The following KCTD16 variants were observed in gnomAD, a reference collection of about 807,000 sequenced individuals.
KCTD16 encodes the protein potassium channel tetramerization domain containing 16, also known as BTB/POZ domain-containing protein KCTD16.
KCTD16 carries 13 observed loss-of-function variants against 33.2 expected under a neutral mutation model. The observed-to-expected ratio is 0.39, with a 90% CI of 0.25 to 0.62. KCTD16 has a LOEUF of 0.62. Ranked by LOEUF, KCTD16 falls within the 20% of genes least tolerant of loss-of-function variation. The pLI is 0.50. For synonymous variants in KCTD16, 197 were observed against 195.3 expected, an observed-to-expected ratio of 1.01 and a Z score of -0.07; for missense variants, 441 against 525.1, an observed-to-expected ratio of 0.84 and a Z score of 1.57.
intron 3 of KCTD16, among the ~76,000 whole-genome samples, chr5:144,455,648 G>T (rs943860343): frequency 3.9e-5 from 6 of 152,172 alleles, no homozygotes; most frequent in Admixed American, 3.9e-4. Context: ...GTGATGAGTG[G>T]CCAGGAAAGA....
At chr5:144,314,927 C>T (rs1470128927) in intron 3 of KCTD16, among the ~76,000 whole-genome samples, 1 of 152,118 alleles carries the variant, frequency 6.6e-6, no homozygotes, top group Non-Finnish European at 1.5e-5. Flanking sequence ...GACTTCTGTC[C>T]TGCTGAAGCT....
chr5:144,301,204 G>A (rs1386165452), intron 3 of KCTD16, among the ~76,000 whole-genome samples: 2 of 137,474 alleles, frequency 1.5e-5, no homozygotes, highest in East Asian at 4.2e-4. Flanking sequence ...TCGCACCATT[G>A]CACTCAAACC....
In KCTD16 at chr5:144,207,080, G is replaced by A. The variant is rs1218026864; in HGVS notation, c.366G>A (p.Leu122=). Residue 122 remains leucine (L), a synonymous_variant, in exon 3 of 4, where the codon CTG becomes CTA. Transcript: ENST00000512467. The part of the protein sequence containing the change: ...YFQLPDLVKL[L]TPDEIKQSPD... ...AGCTCCCAGACTTGGTCAAACTCCT[G>A]ACCCCCGATGAAATCAAGCAAAGCC... 14 of 1,611,748 alleles carry A rather than the reference G, an allele frequency of 8.7e-6. No individual in the cohort carries two copies. The highest frequency in any genetic ancestry group is 1.1e-5 in the Non-Finnish European group (13 of 1,179,146).
chr5:144,416,116 T>G (rs1040966165), intron 3 of KCTD16, among the ~76,000 whole-genome samples: 2 of 152,214 alleles, frequency 1.3e-5, no homozygotes, highest in Non-Finnish European at 2.9e-5. Context: ...AGGAAGGTAC[T>G]GTTTTTTAAT....
intron 3 of KCTD16, among the ~76,000 whole-genome samples, chr5:144,427,985 A>C (rs1753372433): frequency 6.6e-6 from 1 of 152,152 alleles, no homozygotes; most frequent in African/African-American, 2.4e-5. Flanking sequence ...ATAGCTTAGC[A>C]CAGTATCTGT....
chr5:144,290,016 C>T (rs960381261), intron 3 of KCTD16, among the ~76,000 whole-genome samples: 3 of 152,118 alleles, frequency 2.0e-5, no homozygotes, highest in Admixed American at 1.3e-4. Flanking sequence ...TGTGGTGACT[C>T]ATGCCTGTAA....
At chr5:144,442,955 A>G (rs1753746031) in intron 3 of KCTD16, among the ~76,000 whole-genome samples, 1 of 152,028 alleles carries the variant, frequency 6.6e-6, no homozygotes, top group Non-Finnish European at 1.5e-5. Flanking sequence ...GGAAAGCTGG[A>G]TATGAAGCAA....
intron 3 of KCTD16, among the ~76,000 whole-genome samples, chr5:144,209,178 T>G (rs964379952): frequency 6.6e-6 from 1 of 152,210 alleles, no homozygotes; most frequent in African/African-American, 2.4e-5. Flanking sequence ...ACCAAATAAA[T>G]GGAAACATAC....
At chr5:144,235,173 T>C (rs989965691) in intron 3 of KCTD16, among the ~76,000 whole-genome samples, 5 of 152,128 alleles carry the variant, frequency 3.3e-5, no homozygotes, top group African/African-American at 1.2e-4. Context: ...GATAATCTTG[T>C]TTTTATGCAC....
At position 144,215,198 on chromosome 5, in the gene KCTD16, G is replaced by C. The variant is rs148791737; in HGVS notation, c.832+7652G>C. Reference sequence around the variant, plus strand: ...GCAAAGATTCTAGCTCTAGGGAACTGAGAAAAACACTTACCAGCAGCAAAG... The same window carrying C: ...GCAAAGATTCTAGCTCTAGGGAACTCAGAAAAACACTTACCAGCAGCAAAG... On this transcript the variant is annotated intron_variant, in intron 3 of 3. Coordinates refer to ENST00000512467, the MANE Select transcript of KCTD16 (RefSeq NM_020768.4). Among the ~76,000 whole-genome samples, 29 of 152,280 alleles carry C rather than the reference G, an allele frequency of 1.9e-4. No homozygotes were observed. The East Asian group carries it at 4.6e-3, about 24-fold the overall frequency.
chr5:144,469,485 T>C (rs1754422136), intron 3 of KCTD16, among the ~76,000 whole-genome samples: 1 of 152,216 alleles, frequency 6.6e-6, no homozygotes, highest in Non-Finnish European at 1.5e-5. Context: ...CCTGATTTGT[T>C]TCCCTTATAT....
At chr5:144,411,430 G>A (rs1228138242) in intron 3 of KCTD16, among the ~76,000 whole-genome samples, 2 of 152,120 alleles carry the variant, frequency 1.3e-5, no homozygotes, top group Admixed American at 6.5e-5. Context: ...ACATATGATA[G>A]AGAAAAGACA....
chr5:144,297,446 T>C (rs1756071799), intron 3 of KCTD16, among the ~76,000 whole-genome samples: 1 of 152,234 alleles, frequency 6.6e-6, no homozygotes, highest in Non-Finnish European at 1.5e-5. Flanking sequence ...TATCTCTCCT[T>C]ATAGTCCCAA....
At chr5:144,175,674 A>G (rs1389952691) in intron 2 of KCTD16, among the ~76,000 whole-genome samples, 1 of 152,180 alleles carries the variant, frequency 6.6e-6, no homozygotes, top group African/African-American at 2.4e-5. Flanking sequence ...CTTACTTGCC[A>G]TGGAGCTTCA....
At chr5:144,188,968 G>T in intron 2 of KCTD16, among the ~76,000 whole-genome samples, 1 of 152,146 alleles carries the variant, frequency 6.6e-6, no homozygotes, top group East Asian at 1.9e-4. Context: ...TCATGGTAAG[G>T]CCTTATATTC....
intron 3 of KCTD16, among the ~76,000 whole-genome samples, chr5:144,325,440 T>C (rs1752179715): frequency 6.6e-6 from 1 of 152,124 alleles, no homozygotes; most frequent in Non-Finnish European, 1.5e-5. Context: ...AGGCCTTTCA[T>C]GCTCTCTGCT....
chr5:144,476,520 G>T lies in KCTD16; in HGVS notation c.*2406G>T, dbSNP rs1175909083. ...CCTTATACATCCAGTGAACAAAGCT[G>T]GAATAGAAAACCTGTTTAAAACCAT... On this transcript the variant is annotated 3_prime_UTR_variant, in exon 4 of 4. Coordinates refer to ENST00000512467, the MANE Select transcript of KCTD16 (RefSeq NM_020768.4). The T allele has an allele frequency of 6.6e-6, 1 of 152,080 alleles. No homozygotes were observed. Among genetic ancestry groups the T allele is most frequent in the Non-Finnish European group, 1.5e-5 (1 of 68,008 alleles). 9.4% of individuals were successfully genotyped at this position (152,080 alleles called of 1,614,324 possible). A position where few individuals can be genotyped will look rare whatever the true frequency, so the allele number is the denominator to read the frequency against.
chr5:144,363,148 C>A (rs1264389626), intron 3 of KCTD16, among the ~76,000 whole-genome samples: 2 of 152,036 alleles, frequency 1.3e-5, no homozygotes, highest in East Asian at 3.9e-4. Flanking sequence ...TCGAGACCAG[C>A]CTGGCCAACA....
At chr5:144,353,910 C>T (rs762548380) in intron 3 of KCTD16, among the ~76,000 whole-genome samples, 1 of 151,942 alleles carries the variant, frequency 6.6e-6, no homozygotes, top group African/African-American at 2.4e-5. Context: ...TGTTTGCTGA[C>T]AGGTATACAT....
Sources: gnomAD v4.1 joint callset for allele counts (sites outside exome capture counted in the v4.1 genomes callset) on GRCh38, gnomAD v4.1.1 for gene constraint, MANE v1.5 for transcripts, NCBI Gene and HGNC (gene_info 2026-07-23, HGNC 2026-07-21) for gene names.